FAM120A: variants seen among roughly 807,000 people sequenced by gnomAD.
FAM120A encodes constitutive coactivator of PPAR-gamma-like protein 1.
In FAM120A, 15 loss-of-function variants were observed where a neutral mutation model predicts 109.7. The ratio of observed to expected loss-of-function variants is 0.14; its 90% CI spans 0.09 to 0.21. The LOEUF (loss-of-function observed/expected upper bound fraction) is 0.21, where lower values mean the gene tolerates loss of function less well. Ranked by LOEUF, FAM120A falls within the 10% of genes least tolerant of loss-of-function variation. FAM120A has a pLI of 1.00. For synonymous variants in FAM120A, 493 were observed against 572.8 expected, an observed-to-expected ratio of 0.86 and a Z score of 1.99; for missense variants, 899 against 1,439.3, an observed-to-expected ratio of 0.62 and a Z score of 6.07.
chr9:93,498,426 G>A lies in FAM120A; in HGVS notation c.934-364G>A, dbSNP rs912588607. Among the ~76,000 whole-genome samples the A allele has an allele frequency of 6.6e-6, 1 of 152,112 alleles. No individual in the cohort carries two copies. The highest frequency in any genetic ancestry group is 2.4e-5 in the African/African-American group (1 of 41,408). On this transcript the variant is annotated intron_variant, in intron 4 of 17. Coordinates refer to ENST00000277165, the MANE Select transcript of FAM120A (RefSeq NM_014612.5). The surrounding 1 kb of genome is among the most constrained non-coding windows in gnomAD (Gnocchi z 4.4). Reference sequence around the variant, plus strand: ...AAGAGAGAGCTGAAACCCTGGGCAGGAACATCCCCAGTCTGTCACTGCCAT... The same window carrying A: ...AAGAGAGAGCTGAAACCCTGGGCAGAAACATCCCCAGTCTGTCACTGCCAT...
In FAM120A at chr9:93,527,332, T is replaced by C. The variant is rs1163070521; in HGVS notation, c.1506+90T>C. The C allele has an allele frequency of 3.2e-6, 3 of 950,036 alleles. No individual in the cohort carries two copies. In the Admixed American group the frequency reaches 6.2e-5, roughly 20 times the overall value. 58.9% of individuals were successfully genotyped at this position (950,036 alleles called of 1,614,324 possible). ...TGATCAAATAGTGAAAAATAATATC[T>C]CTCTCTTTTAATCGGGTCATGTAAA... is the stretch of plus-strand genomic sequence containing the variant. On this transcript the variant is annotated intron_variant, in intron 8 of 17. Transcript: ENST00000277165.
chr9:93,507,166 A>T (rs1012700791), intron 5 of FAM120A, among the ~76,000 whole-genome samples: 18 of 152,116 alleles, frequency 1.2e-4, no homozygotes, highest in Middle Eastern at 3.2e-3. Context: ...CTCTTTCAGT[A>T]TTGAGGCAAG....
At chr9:93,467,403 T>C (rs560431302) in intron 1 of FAM120A, among the ~76,000 whole-genome samples, 1 of 151,966 alleles carries the variant, frequency 6.6e-6, no homozygotes, top group African/African-American at 2.4e-5. Flanking sequence ...GAGGGAAGAG[T>C]TCTAGAATTT....
chr9:93,532,448 G>T lies in FAM120A; in HGVS notation c.1909+119G>T, dbSNP rs1293463394. 4 of 1,136,912 alleles carry T rather than the reference G, an allele frequency of 3.5e-6. No individual in the cohort carries two copies. Among genetic ancestry groups the T allele is most frequent in the East Asian group, 4.8e-5 (2 of 41,306 alleles). The allele number at this position is 1,136,912 out of a possible 1,614,324, so 70.4% of individuals were successfully genotyped here. On this transcript the variant is annotated intron_variant, in intron 10 of 17. Coordinates refer to ENST00000277165, the MANE Select transcript of FAM120A (RefSeq NM_014612.5). This position sits in a 1 kb window ranked among gnomAD's most constrained non-coding sequence, Gnocchi z 4.3. ...ACCCCGAGTGCCTCTGTGTAAAGGA[G>T]GTGGGCCCATCATCGGGGCAGTAGG...
intron 3 of FAM120A, among the ~76,000 whole-genome samples, chr9:93,483,340 G>A (rs913720755): frequency 6.6e-6 from 1 of 151,378 alleles, no homozygotes; most frequent in Admixed American, 6.6e-5. Flanking sequence ...AATATTAGGG[G>A]CCTGAAAGGT....
At chr9:93,525,874 G>A (rs777727915) in intron 7 of FAM120A, among the ~76,000 whole-genome samples, 3 of 152,246 alleles carry the variant, frequency 2.0e-5, no homozygotes, top group Admixed American at 6.5e-5. Flanking sequence ...TGAACAGGGT[G>A]GGTGAACTTT....
At chr9:93,468,854 A>G (rs1181360624) in intron 1 of FAM120A, among the ~76,000 whole-genome samples, 1 of 152,104 alleles carries the variant, frequency 6.6e-6, no homozygotes, top group Admixed American at 6.5e-5. Flanking sequence ...TGAACGTTTT[A>G]CAGCTCTTGA....
Position 93,452,377 on chromosome 9 carries a change from C to T in FAM120A, c.462C>T (p.Arg154=). The T allele has an allele frequency of 1.9e-6, 3 of 1,609,056 alleles. No homozygotes were observed. The highest frequency in any genetic ancestry group is 2.5e-6 in the Non-Finnish European group (3 of 1,178,336). The change falls in exon 1 of 18, where the codon CGC becomes CGT. Residue 154 remains arginine, a synonymous_variant. Transcript: ENST00000277165. The surrounding 1 kb of genome is among the most constrained non-coding windows in gnomAD (Gnocchi z 7.0). ...ACTGCATCCGCCTGGCGCTCATCCG[C>T]TTCCACGTCAAGGTGAGGCCGGGGA... ...MAHCIRLALI[R]FHVKVAQSIE...
At chr9:93,509,581 G>A (rs537486364) in intron 5 of FAM120A, among the ~76,000 whole-genome samples, 17 of 152,194 alleles carry the variant, frequency 1.1e-4, no homozygotes, top group Admixed American at 3.9e-4. Flanking sequence ...TTATACTATT[G>A]CAGTATTTTA....
chr9:93,462,504 A>G (rs1227273920), intron 1 of FAM120A, among the ~76,000 whole-genome samples: 2 of 151,590 alleles, frequency 1.3e-5, no homozygotes, highest in Non-Finnish European at 2.9e-5. Context: ...CTGGTCTTGA[A>G]CTCCTGACCT....
intron 3 of FAM120A, among the ~76,000 whole-genome samples, chr9:93,490,887 C>A (rs10821140): frequency 0.28 from 42,520 of 152,110 alleles, 7,030 homozygotes; most frequent in East Asian, 0.44. Flanking sequence ...AGTCACCAGG[C>A]AGCTTCAGTG....
chr9:93,530,858 T>C (rs1861299098), intron 9 of FAM120A: 2 of 152,190 alleles, frequency 1.3e-5, no homozygotes. Flanking sequence ...CTGTTTGAAA[T>C]GTAAGGTCCC....
chr9:93,463,851 C>T (rs1314815337), intron 1 of FAM120A, among the ~76,000 whole-genome samples: 1 of 152,184 alleles, frequency 6.6e-6, no homozygotes, highest in African/African-American at 2.4e-5. Flanking sequence ...GTTTCAGGTC[C>T]TGTGTGAAAA....
At chr9:93,453,361 G>A (rs1857377147) in intron 1 of FAM120A, 44 of 985,448 alleles carry the variant, frequency 4.5e-5, no homozygotes, top group Non-Finnish European at 5.3e-5. Flanking sequence ...GTGAAGATAA[G>A]CACATCCATG....
chr9:93,519,772 A>C (rs1362864828), intron 7 of FAM120A, among the ~76,000 whole-genome samples: 1 of 152,196 alleles, frequency 6.6e-6, no homozygotes, highest in Non-Finnish European at 1.5e-5. Flanking sequence ...ACTCTTTTAA[A>C]GGGTGGTAGT....
At chr9:93,503,317 A>G (rs915977767) in intron 5 of FAM120A, among the ~76,000 whole-genome samples, 2 of 152,226 alleles carry the variant, frequency 1.3e-5, no homozygotes, top group Admixed American at 6.5e-5. Flanking sequence ...ATAATAGCCA[A>G]CGCTTGGAGG....
At position 93,556,565 on chromosome 9, in the gene FAM120A, C is replaced by G. The variant is rs1445050742; in HGVS notation, c.2458C>G (p.Pro820Ala). Residue 820 changes from proline (P) to alanine (A), a missense_variant, in exon 13 of 18, where the codon CCA becomes GCA. By Grantham distance (27) the Pro-to-Ala change is conservative (BLOSUM62 -1). Transcript: ENST00000277165. ...KLLKASREKT[P>A]LIDLCDGQAD... ...CCTCAAAGCCAGCCGGGAAAAGACC[C>G]CACTCATTGACCTCTGTGATGGTCA... The G allele has an allele frequency of 1.2e-6, 2 of 1,614,102 alleles. No homozygotes were observed. Among genetic ancestry groups the G allele is most frequent in the African/African-American group, 2.7e-5 (2 of 74,936 alleles).
intron 12 of FAM120A, among the ~76,000 whole-genome samples, chr9:93,550,996 C>T (rs1303013413): frequency 2.6e-5 from 4 of 152,110 alleles, no homozygotes; most frequent in Non-Finnish European, 5.9e-5. Flanking sequence ...AATAAACTTG[C>T]CTTTTATATT....
At chr9:93,505,488 T>G (rs903913358) in intron 5 of FAM120A, among the ~76,000 whole-genome samples, 3 of 152,260 alleles carry the variant, frequency 2.0e-5, no homozygotes, top group Non-Finnish European at 4.4e-5. Flanking sequence ...GCTTGCATTT[T>G]TCTGTCTTCA....
Sources: gnomAD v4.1 joint callset for allele counts (sites outside exome capture counted in the v4.1 genomes callset) on GRCh38, gnomAD v4.1.1 for gene constraint, Gnocchi (gnomAD v3.1) non-coding constraint, MANE v1.5 for transcripts, NCBI Gene and HGNC (gene_info 2026-07-23, HGNC 2026-07-21) for gene names.